The following ZBTB20 variants were observed in gnomAD, a reference collection of about 807,000 sequenced individuals.
ZBTB20 encodes zinc finger and BTB domain containing 20.
A neutral mutation model predicts 56.9 loss-of-function variants in ZBTB20; 9 were observed. The ratio of observed to expected loss-of-function variants is 0.16; its 90% CI spans 0.10 to 0.28. The LOEUF is 0.28. ZBTB20 is among the 10% of genes least tolerant of loss of function. The pLI is 1.00. For missense variants in ZBTB20, 655 were observed against 1,003.0 expected (o/e 0.65, Z 4.69); for synonymous variants, 417 against 420.7 (o/e 0.99, Z 0.11).
At chr3:114,494,476 C>T (rs1046277433) in intron 7 of ZBTB20, among the ~76,000 whole-genome samples, 1 of 152,218 alleles carries the variant, frequency 6.6e-6, no homozygotes. Flanking sequence ...CTTCCCTACT[C>T]CTAGTTTCCA....
intron 3 of ZBTB20, among the ~76,000 whole-genome samples, chr3:114,970,282 C>A (rs1317295915): frequency 6.6e-6 from 1 of 152,154 alleles, no homozygotes; most frequent in Non-Finnish European, 1.5e-5. Flanking sequence ...AGTGGTACTA[C>A]AATGAGTAAT....
At chr3:114,543,478 C>T (rs567155322) in intron 6 of ZBTB20, among the ~76,000 whole-genome samples, 1 of 152,260 alleles carries the variant, frequency 6.6e-6, no homozygotes, top group African/African-American at 2.4e-5. Context: ...AGGACTATAT[C>T]AACTGATTCA....
chr3:114,705,741 C>T (rs922614166), intron 5 of ZBTB20, among the ~76,000 whole-genome samples: 2 of 152,118 alleles, frequency 1.3e-5, no homozygotes, highest in Non-Finnish European at 2.9e-5. Context: ...CAGTTGTGAG[C>T]CATCCGAACA....
intron 2 of ZBTB20, among the ~76,000 whole-genome samples, chr3:115,026,626 C>G (rs141549891): frequency 9.3e-4 from 140 of 150,758 alleles, no homozygotes; most frequent in Middle Eastern, 3.4e-3. Flanking sequence ...CTTTTCTATA[C>G]AATTATCATT....
At chr3:114,899,004 G>C (rs955044062) in intron 4 of ZBTB20, among the ~76,000 whole-genome samples, 1 of 151,862 alleles carries the variant, frequency 6.6e-6, no homozygotes, top group Non-Finnish European at 1.5e-5. Context: ...ATCTATAATA[G>C]CTTGTCTATA....
chr3:114,439,884 T>C (rs138178976), intron 7 of ZBTB20, among the ~76,000 whole-genome samples: 2,428 of 152,306 alleles, frequency 0.016, 28 homozygotes, highest in Non-Finnish European at 0.026. Flanking sequence ...TTAAAAGATA[T>C]CTATTGGCAA....
Position 114,351,481 on chromosome 3 carries a change from A to G in ZBTB20, c.597T>C (p.Asp199=). ...CTRIVSQNVG[D]VFPGIQDSGQ... Reference sequence around the variant, plus strand: ...CCGAGTCCTGGATCCCCGGGAACACATCGCCCACGTTCTGTGACACGATGC... The same window carrying G: ...CCGAGTCCTGGATCCCCGGGAACACGTCGCCCACGTTCTGTGACACGATGC... Residue 199 remains aspartate, a synonymous_variant, in exon 11 of 12, where the codon GAT becomes GAC. Coordinates refer to ENST00000675478, the MANE Select transcript of ZBTB20 (RefSeq NM_001348800.3). 6.2e-7 allele frequency: 1 copy of G among 1,613,828 alleles called. No homozygotes were observed. The highest frequency in any genetic ancestry group is 8.5e-7 in the Non-Finnish European group (1 of 1,179,992).
At chr3:114,442,252 G>A (rs2090978129) in intron 7 of ZBTB20, among the ~76,000 whole-genome samples, 1 of 152,110 alleles carries the variant, frequency 6.6e-6, no homozygotes, top group South Asian at 2.1e-4. Flanking sequence ...TCTTCATTTA[G>A]AACTTGAGAT....
chr3:114,932,067 A>C (rs540803306), intron 3 of ZBTB20, among the ~76,000 whole-genome samples: 8 of 152,256 alleles, frequency 5.3e-5, no homozygotes, highest in African/African-American at 1.9e-4. Flanking sequence ...TAGATTTTAA[A>C]AGTATAATTT....
chr3:114,630,134 T>C (rs1317458241), intron 6 of ZBTB20, among the ~76,000 whole-genome samples: 1 of 152,032 alleles, frequency 6.6e-6, no homozygotes, highest in Non-Finnish European at 1.5e-5. Flanking sequence ...AGCGAGACCT[T>C]GTCTTAAAAA....
chr3:114,939,235 T>G (rs2076650318), intron 3 of ZBTB20, among the ~76,000 whole-genome samples: 1 of 146,332 alleles, frequency 6.8e-6, no homozygotes, highest in Admixed American at 6.6e-5. Flanking sequence ...ATAATAATGA[T>G]AAAGAGCTTT....
At chr3:114,848,896 T>C (rs965805777) in intron 4 of ZBTB20, among the ~76,000 whole-genome samples, 8 of 152,188 alleles carry the variant, frequency 5.3e-5, no homozygotes, top group African/African-American at 1.9e-4. Flanking sequence ...CAGGATAATG[T>C]GCTACTATCA....
rs2080698718 is a variant in ZBTB20, at chr3:114,351,834, T to C, written c.244A>G (p.Asn82Asp). 6.2e-7 allele frequency: 1 copy of C among 1,603,590 alleles called. No homozygotes were observed. The highest frequency in any genetic ancestry group is 1.1e-5 in the South Asian group (1 of 90,890). Reference protein sequence around the residue: ...KGMTERIHSINLHNFSNSVLE... With the variant: ...KGMTERIHSIDLHNFSNSVLE... ...ACGGAATTGCTGAAGTTGTGAAGGT[T>C]GATGCTGTGAATGCGCTCGGTCATC... The change falls in exon 11 of 12, where the codon AAC (asparagine) becomes GAC (aspartate). Residue 82 changes from asparagine (N) to aspartate (D), a missense_variant. This residue lies in a region of ZBTB20 where 57 missense variants were observed against 99.1 expected (regional missense o/e 0.58). Coordinates refer to ENST00000675478, the MANE Select transcript of ZBTB20 (RefSeq NM_001348800.3).
chr3:114,438,437 A>C (rs1484243368), intron 7 of ZBTB20, among the ~76,000 whole-genome samples: 1 of 82,656 alleles, frequency 1.2e-5, no homozygotes, highest in Non-Finnish European at 2.3e-5. Flanking sequence ...AAAAAAAACC[A>C]AAAAAAAACA....
intron 7 of ZBTB20, among the ~76,000 whole-genome samples, chr3:114,420,681 T>G (rs1028475291): frequency 6.6e-6 from 1 of 152,056 alleles, no homozygotes; most frequent in Non-Finnish European, 1.5e-5. Flanking sequence ...GGGGCACAAC[T>G]AGGGAAAGGG....
chr3:115,093,548 CA>C (rs2083276209), intron 1 of ZBTB20, among the ~76,000 whole-genome samples: 2 of 152,100 alleles, frequency 1.3e-5, no homozygotes, highest in African/African-American at 4.8e-5. Flanking sequence ...TTGTTTCATA[CA>C]AATTATTTGA....
At chr3:114,600,535 C>A (rs2056679493) in intron 6 of ZBTB20, among the ~76,000 whole-genome samples, 1 of 151,942 alleles carries the variant, frequency 6.6e-6, no homozygotes, top group African/African-American at 2.4e-5. Flanking sequence ...GTTAGAAATT[C>A]CTTTAATGTG....
chr3:115,128,496 T>C (rs1002611340), intron 1 of ZBTB20, among the ~76,000 whole-genome samples: 2 of 151,640 alleles, frequency 1.3e-5, no homozygotes, highest in Admixed American at 6.6e-5. Flanking sequence ...AAAGCTCGTC[T>C]CTACTAAAAA....
intron 6 of ZBTB20, among the ~76,000 whole-genome samples, chr3:114,563,980 T>C (rs1405530963): frequency 6.6e-6 from 1 of 152,206 alleles, no homozygotes; most frequent in Admixed American, 6.6e-5. Context: ...AAAATCATGG[T>C]ATCAGCAGAG....
Sources: gnomAD v4.1 joint callset for allele counts (sites outside exome capture counted in the v4.1 genomes callset) on GRCh38, gnomAD v4.1.1 for gene constraint, gnomAD v4.1.1 regional missense constraint, MANE v1.5 for transcripts, NCBI Gene and HGNC (gene_info 2026-07-23, HGNC 2026-07-21) for gene names.